Variants in CDYL2 observed in about 807,000 individuals in gnomAD.
CDYL2 encodes chromodomain Y like 2.
A neutral mutation model predicts 49.4 loss-of-function variants in CDYL2; 23 were observed. The observed-to-expected ratio is 0.47, with a 90% confidence interval of 0.34 to 0.66. The LOEUF is 0.66. Ranked by LOEUF, CDYL2 falls within the 30% of genes least tolerant of loss-of-function variation. The pLI is 0.01. For synonymous variants in CDYL2, 360 were observed against 268.8 expected (o/e 1.34, Z -3.32); for missense variants, 678 against 656.4 (o/e 1.03, Z -0.36).
At chr16:80,663,733 C>T (rs1909144966) in intron 2 of CDYL2, among the ~76,000 whole-genome samples, 1 of 152,140 alleles carries the variant, frequency 6.6e-6, no homozygotes, top group African/African-American at 2.4e-5. Flanking sequence ...GCTAGAATTA[C>T]AGGCACCCAC....
At chr16:80,722,864 A>C (rs1016885525) in intron 1 of CDYL2, among the ~76,000 whole-genome samples, 3 of 152,184 alleles carry the variant, frequency 2.0e-5, no homozygotes, top group African/African-American at 7.2e-5. Flanking sequence ...TCCAACATAC[A>C]AAGGGTTGAG....
chr16:80,716,887 A>G (rs1430072224), intron 1 of CDYL2, among the ~76,000 whole-genome samples: 1 of 151,728 alleles, frequency 6.6e-6, no homozygotes, highest in Non-Finnish European at 1.5e-5. Context: ...GACTGGATGG[A>G]TGGATGGATG....
chr16:80,692,873 A>G (rs991407696), intron 1 of CDYL2, among the ~76,000 whole-genome samples: 27 of 152,220 alleles, frequency 1.8e-4, no homozygotes, highest in Non-Finnish European at 3.5e-4. Flanking sequence ...ATAAAATGAC[A>G]CGATCAATGA....
intron 1 of CDYL2, among the ~76,000 whole-genome samples, chr16:80,717,058 A>T (rs532882639): frequency 2.0e-5 from 3 of 151,600 alleles, no homozygotes; most frequent in South Asian, 4.2e-4. Flanking sequence ...GGATGGATAG[A>T]TGGATGATTA....
chr16:80,762,566 G>A (rs1437146285), intron 1 of CDYL2, among the ~76,000 whole-genome samples: 3 of 152,202 alleles, frequency 2.0e-5, no homozygotes, highest in Non-Finnish European at 2.9e-5. Flanking sequence ...TGGAAAAGTT[G>A]CTGCCATGGT....
chr16:80,701,227 G>T (rs1264445266), intron 1 of CDYL2, among the ~76,000 whole-genome samples: 1 of 152,182 alleles, frequency 6.6e-6, no homozygotes. Flanking sequence ...TGTACAGTAT[G>T]ATCCCATTTA....
chr16:80,610,400 G>A (rs1284069526), intron 5 of CDYL2, among the ~76,000 whole-genome samples: 1 of 152,150 alleles, frequency 6.6e-6, no homozygotes, highest in African/African-American at 2.4e-5. Context: ...ATAAAATCAA[G>A]ACATCAAAAG....
intron 1 of CDYL2, among the ~76,000 whole-genome samples, chr16:80,726,344 T>A (rs1905161852): frequency 6.6e-6 from 1 of 152,220 alleles, no homozygotes; most frequent in Non-Finnish European, 1.5e-5. Flanking sequence ...AGACACTGAT[T>A]TTGGCACAAC....
chr16:80,722,751 T>C (rs1172893794), intron 1 of CDYL2, among the ~76,000 whole-genome samples: 1 of 152,172 alleles, frequency 6.6e-6, no homozygotes, highest in Non-Finnish European at 1.5e-5. Context: ...GGAGCTGGAA[T>C]TCAAGGATGG....
rs181063533 is a variant in CDYL2, at chr16:80,608,149, G to A, written c.1305C>T (p.Thr435=). The change falls in exon 6 of 7, where the codon ACC becomes ACT. Residue 435 remains threonine (T), a synonymous_variant. Transcript: ENST00000570137. The part of the protein sequence containing the change: ...RGLVSQVFWP[T]TFSQEVMLRV... ...GCAGCATGACCTCCTGGCTGAACGT[G>A]GTGGGCCAGAAGACCTGCGACACCA... The A allele has an allele frequency of 1.2e-6, 2 of 1,605,696 alleles. No homozygotes were observed. Among genetic ancestry groups the A allele is most frequent in the Non-Finnish European group, 1.7e-6 (2 of 1,176,346 alleles).
chr16:80,726,168 G>A (rs1384790772), intron 1 of CDYL2, among the ~76,000 whole-genome samples: 5 of 152,168 alleles, frequency 3.3e-5, no homozygotes, highest in Non-Finnish European at 7.4e-5. Context: ...TAGGAGTTCC[G>A]TATAAGATTC....
intron 3 of CDYL2, among the ~76,000 whole-genome samples, chr16:80,630,889 G>A (rs1054531242): frequency 1.2e-4 from 18 of 152,102 alleles, no homozygotes; most frequent in African/African-American, 3.4e-4. Context: ...CTGATGGTAC[G>A]GGGTACACTG....
chr16:80,798,778 T>C (rs769884756), intron 1 of CDYL2, among the ~76,000 whole-genome samples: 19 of 149,686 alleles, frequency 1.3e-4, no homozygotes, highest in Non-Finnish European at 1.9e-4. Flanking sequence ...TTTCACTGTA[T>C]ATGAAATTGT....
At chr16:80,639,589 C>T (rs1419682017) in intron 2 of CDYL2, 4 of 437,992 alleles carry the variant, frequency 9.1e-6, no homozygotes, top group Non-Finnish European at 1.8e-5. Flanking sequence ...ACCCTCCCCC[C>T]TGCAAGGACA....
chr16:80,742,732 A>G lies in CDYL2; in HGVS notation c.25-57603T>C, dbSNP rs577201877. Among the ~76,000 whole-genome samples the G allele has an allele frequency of 1.1e-4, 16 of 151,440 alleles. No individual in the cohort carries two copies. In the South Asian group the frequency reaches 3.1e-3, roughly 30 times the overall value. ...GAGATGTATGGATGGGTGACAGGGTAGGTGGGTGAGTGAGTGGGTGGATGG... is the reference window on the plus strand; with the variant it reads ...GAGATGTATGGATGGGTGACAGGGTGGGTGGGTGAGTGAGTGGGTGGATGG... On this transcript the variant is annotated intron_variant, in intron 1 of 6. Transcript: ENST00000570137.
At chr16:80,780,609 G>C (rs928176293) in intron 1 of CDYL2, among the ~76,000 whole-genome samples, 1 of 151,900 alleles carries the variant, frequency 6.6e-6, no homozygotes, top group Admixed American at 6.6e-5. Flanking sequence ...GTTTCACCGT[G>C]TTAGCCAGGA....
chr16:80,687,055 C>T (rs906577334), intron 1 of CDYL2, among the ~76,000 whole-genome samples: 1 of 152,164 alleles, frequency 6.6e-6, no homozygotes, highest in Non-Finnish European at 1.5e-5. Context: ...CTTCAGAACG[C>T]CAAGGATTTC....
intron 1 of CDYL2, among the ~76,000 whole-genome samples, chr16:80,734,025 A>T (rs1312014121): frequency 1.3e-5 from 2 of 152,198 alleles, no homozygotes; most frequent in African/African-American, 2.4e-5. Flanking sequence ...CATTGCCAGG[A>T]ATTAAGGTAA....
At chr16:80,764,788 C>A (rs192726207) in intron 1 of CDYL2, among the ~76,000 whole-genome samples, 114 of 152,006 alleles carry the variant, frequency 7.5e-4, no homozygotes, top group Non-Finnish European at 1.5e-3. Context: ...CGGCTAGGCG[C>A]GGTGGCTCAA....
Sources: allele counts gnomAD v4.1 joint callset (sites outside exome capture counted in the v4.1 genomes callset), GRCh38; gene constraint gnomAD v4.1.1; transcripts MANE v1.5; gene names NCBI Gene and HGNC (gene_info 2026-07-23, HGNC 2026-07-21).